MKLN1: variants seen among roughly 807,000 people sequenced by gnomAD.
MKLN1 encodes muskelin.
A neutral mutation model predicts 99.0 loss-of-function variants in MKLN1; 18 were observed. The ratio of observed to expected loss-of-function variants is 0.18; its 90% CI spans 0.13 to 0.27. The LOEUF (loss-of-function observed/expected upper bound fraction) is 0.27, where lower values mean the gene tolerates loss of function less well. Ranked by LOEUF, MKLN1 falls within the 10% of genes least tolerant of loss-of-function variation. MKLN1 has a pLI of 1.00. For missense variants in MKLN1, 621 were observed against 875.9 expected, an observed-to-expected ratio of 0.71 and a Z score of 3.67; for synonymous variants, 288 against 293.2, an observed-to-expected ratio of 0.98 and a Z score of 0.18.
At chr7:131,174,736 C>T (rs929237789) in intron 2 of MKLN1, among the ~76,000 whole-genome samples, 1 of 152,176 alleles carries the variant, frequency 6.6e-6, no homozygotes, top group Non-Finnish European at 1.5e-5. Flanking sequence ...ATATAGTTCT[C>T]AGTACCAATC....
intron 14 of MKLN1, among the ~76,000 whole-genome samples, 178 bp from the exon 15 acceptor site, chr7:131,466,098 G>A (rs1016867089): frequency 6.6e-6 from 1 of 152,118 alleles, no homozygotes; most frequent in African/African-American, 2.4e-5. Context: ...AGTAGCCATG[G>A]TGCTTTAAAG....
intron 1 of MKLN1, among the ~76,000 whole-genome samples, chr7:131,134,082 G>A (rs1215925736): frequency 1.3e-5 from 2 of 151,488 alleles, no homozygotes; most frequent in African/African-American, 4.9e-5. Context: ...CACCTGCCTC[G>A]GCCTCCCAAA....
At chr7:131,418,718 A>G (rs2116370788) in intron 8 of MKLN1, among the ~76,000 whole-genome samples, 1 of 152,306 alleles carries the variant, frequency 6.6e-6, no homozygotes, top group Admixed American at 6.5e-5. Flanking sequence ...TTCTCTAGTA[A>G]AATTGATTTG....
chr7:131,123,053 T>C (rs1423198155), intron 1 of MKLN1, among the ~76,000 whole-genome samples: 1 of 112,944 alleles, frequency 8.9e-6, no homozygotes, highest in Non-Finnish European at 1.8e-5. Flanking sequence ...AAAAAAAGTG[T>C]TGCTGCTATC....
chr7:131,224,613 G>A (rs1797113185), intron 3 of MKLN1, among the ~76,000 whole-genome samples: 1 of 152,108 alleles, frequency 6.6e-6, no homozygotes, highest in African/African-American at 2.4e-5. Flanking sequence ...ATGGTGGCAT[G>A]TGCCTGTAGT....
intron 17 of MKLN1, among the ~76,000 whole-genome samples, chr7:131,486,567 C>CT (rs1370016762): frequency 2.0e-5 from 3 of 152,088 alleles, no homozygotes; most frequent in East Asian, 3.9e-4. Context: ...AAATGGTACT[C>CT]TAAGTTGAAT....
At chr7:131,300,162 A>G (rs1172931033) in intron 3 of MKLN1, among the ~76,000 whole-genome samples, 2 of 152,108 alleles carry the variant, frequency 1.3e-5, no homozygotes, top group Non-Finnish European at 2.9e-5. Context: ...GGGGGAGAGA[A>G]TAGAGACTAA....
At chr7:131,243,443 GA>G (rs1797438110) in intron 3 of MKLN1, among the ~76,000 whole-genome samples, 1 of 152,140 alleles carries the variant, frequency 6.6e-6, no homozygotes, top group Non-Finnish European at 1.5e-5. Flanking sequence ...TGCAACACAT[GA>G]TTTTTCTTAC....
chr7:131,418,167 T>G (rs1176837139), intron 8 of MKLN1, among the ~76,000 whole-genome samples: 2 of 151,780 alleles, frequency 1.3e-5, no homozygotes, highest in Non-Finnish European at 2.9e-5. Context: ...TCAGGAGTTC[T>G]AGACCAGCCT....
At chr7:131,127,070 CAGG>C (rs1164829183) in intron 1 of MKLN1, among the ~76,000 whole-genome samples, 1 of 150,718 alleles carries the variant, frequency 6.6e-6, no homozygotes, top group African/African-American at 2.4e-5. Context: ...GAGGCTGAGG[CAGG>C]AGAATTGCTT....
chr7:131,382,375 A>T (rs1204133085), intron 2 of MKLN1, among the ~76,000 whole-genome samples: 2 of 152,144 alleles, frequency 1.3e-5, no homozygotes, highest in African/African-American at 4.8e-5. Context: ...TCTCCCAAAA[A>T]AAAAACAAAA....
intron 2 of MKLN1, among the ~76,000 whole-genome samples, chr7:131,190,417 C>T (rs1765142421): frequency 6.7e-6 from 1 of 150,062 alleles, no homozygotes; most frequent in Non-Finnish European, 1.5e-5. Context: ...CAGCAGCCCT[C>T]GATGCTGCAA....
At chr7:131,126,223 G>A (rs1161394333) in intron 1 of MKLN1, among the ~76,000 whole-genome samples, 1 of 152,068 alleles carries the variant, frequency 6.6e-6, no homozygotes, top group Non-Finnish European at 1.5e-5. Context: ...TGAGACCCAT[G>A]AGAATAATGC....
chr7:131,461,144 TATA>T (rs1333616005), intron 12 of MKLN1, among the ~76,000 whole-genome samples: 3 of 152,204 alleles, frequency 2.0e-5, no homozygotes. Context: ...CTAGGTTACT[TATA>T]ATACCTGATA....
chr7:131,263,317 A>G (rs1304973333), intron 3 of MKLN1, among the ~76,000 whole-genome samples: 1 of 146,072 alleles, frequency 6.8e-6, no homozygotes, highest in Non-Finnish European at 1.5e-5. Flanking sequence ...CAGCCTGGAC[A>G]ATATAGTGAG....
intron 3 of MKLN1, among the ~76,000 whole-genome samples, chr7:131,293,681 C>T (rs1798252828): frequency 6.6e-6 from 1 of 152,112 alleles, no homozygotes; most frequent in South Asian, 2.1e-4. Context: ...TGGTGTGCAC[C>T]TGTAGTACCA....
At chr7:131,363,028 TG>T in intron 1 of MKLN1, among the ~76,000 whole-genome samples, 1 of 152,082 alleles carries the variant, frequency 6.6e-6, no homozygotes, top group Non-Finnish European at 1.5e-5. Context: ...TTCATCTTCG[TG>T]GCCACATTTT....
In MKLN1 at chr7:131,443,677, T is replaced by C; in HGVS notation, c.1370T>C (p.Ile457Thr). ...NAGPEDIQSR[I>T]GHCMLFHSKN... ...GGGCCTGAGGACATCCAGTCTCGAA[T>C]AGGACACTGCATGTTATTCCACTCA... The change falls in exon 11 of 18, where the codon ATA becomes ACA. Residue 457 changes from isoleucine to threonine, a missense_variant. Physicochemically the swap from Ile to Thr is moderately conservative, Grantham distance 89. This residue lies in a region of MKLN1 where 361 missense variants were observed against 540.8 expected (regional missense o/e 0.67). Transcript: ENST00000352689. 3 of 1,612,874 alleles carry C rather than the reference T, an allele frequency of 1.9e-6. No homozygotes were observed. The highest frequency in any genetic ancestry group is 1.1e-5 in the South Asian group (1 of 91,060).
chr7:131,442,479 A>G (rs2116500831), intron 10 of MKLN1, among the ~76,000 whole-genome samples: 1 of 152,274 alleles, frequency 6.6e-6, no homozygotes, highest in Admixed American at 6.5e-5. Flanking sequence ...CCTGGGAGGC[A>G]GAGGTTGTGG....
Sources: allele counts gnomAD v4.1 joint callset (sites outside exome capture counted in the v4.1 genomes callset), GRCh38; gene constraint gnomAD v4.1.1; regional missense constraint gnomAD v4.1.1; transcripts MANE v1.5; gene names NCBI Gene and HGNC (gene_info 2026-07-23, HGNC 2026-07-21).